Variants in CLYBL observed in about 807,000 individuals in gnomAD.
CLYBL encodes the protein citramalyl-CoA lyase.
Under a neutral mutation model 38.9 loss-of-function variants are expected in CLYBL, and 31 were observed. That is an observed-to-expected ratio of 0.80 (90% CI 0.60 to 1.08). CLYBL has a LOEUF of 1.08. Ranked by LOEUF, CLYBL falls within the 50% of genes least tolerant of loss-of-function variation. The pLI is 0.00. For synonymous variants in CLYBL, 171 were observed against 158.6 expected (o/e 1.08, Z -0.59); for missense variants, 434 against 411.6 (o/e 1.05, Z -0.47).
At position 99,628,571 on chromosome 13, in the gene CLYBL, T is replaced by C. The variant is rs80268894; in HGVS notation, c.62+21814T>C. 4.6e-3 allele frequency among the ~76,000 whole-genome samples: 704 copies of C among 152,334 alleles called. 19 individuals are homozygous for C. The East Asian group carries it at 0.082, about 18-fold the overall frequency. ...TAGGAGCTCATTTTATGTGAAACCATTAGCAGCCTGGGAATTCAGGACTAG... is the reference window on the plus strand; with the variant it reads ...TAGGAGCTCATTTTATGTGAAACCACTAGCAGCCTGGGAATTCAGGACTAG... On this transcript the variant is annotated intron_variant, in intron 1 of 8. Coordinates refer to ENST00000339105, the MANE Select transcript of CLYBL (RefSeq NM_206808.5).
intron 2 of CLYBL, among the ~76,000 whole-genome samples, chr13:99,818,359 G>T (rs936949667): frequency 6.6e-6 from 1 of 151,892 alleles, no homozygotes; most frequent in African/African-American, 2.4e-5. Flanking sequence ...CGGGTTGATT[G>T]TTAATAGAGA....
chr13:99,812,853 AG>A (rs887293421), intron 2 of CLYBL, among the ~76,000 whole-genome samples: 9 of 152,148 alleles, frequency 5.9e-5, no homozygotes, highest in Non-Finnish European at 1.3e-4. Flanking sequence ...AGTGGGGCCA[AG>A]GGGGGGCCCT....
chr13:99,675,978 C>A (rs1397433632), intron 1 of CLYBL, among the ~76,000 whole-genome samples: 1 of 152,200 alleles, frequency 6.6e-6, no homozygotes, highest in Non-Finnish European at 1.5e-5. Context: ...CTCAGCCCCC[C>A]AAGTAGCTGG....
At chr13:99,892,317 G>C (rs2052509541) in intron 8 of CLYBL, 126 bp from the exon 9 acceptor site, 1 of 152,450 alleles carries the variant, frequency 6.6e-6, no homozygotes, top group South Asian at 2.1e-4. Flanking sequence ...CTGCAGGTCA[G>C]ATGGGTGGTG....
chr13:99,878,148 T>C (rs2139287272), intron 7 of CLYBL, among the ~76,000 whole-genome samples: 1 of 152,350 alleles, frequency 6.6e-6, no homozygotes, highest in Admixed American at 6.5e-5. Flanking sequence ...AAAAATTTAT[T>C]AGATGTACTT....
intron 2 of CLYBL, among the ~76,000 whole-genome samples, chr13:99,774,632 G>C (rs1232388043): frequency 2.0e-5 from 3 of 152,030 alleles, no homozygotes; most frequent in African/African-American, 7.2e-5. Flanking sequence ...GCTTTTTCTG[G>C]AGTTTCTAGC....
At chr13:99,888,547 C>T (rs769059423) in intron 7 of CLYBL, among the ~76,000 whole-genome samples, 1 of 151,964 alleles carries the variant, frequency 6.6e-6, no homozygotes, top group Non-Finnish European at 1.5e-5. Context: ...GCCAGGAGTT[C>T]GAGACCAGCC....
In CLYBL at chr13:99,856,100, T is replaced by G. The variant is rs543463896; in HGVS notation, c.250-2761T>G. On this transcript the variant is annotated intron_variant, in intron 2 of 8. Transcript: ENST00000339105. Reference sequence around the variant, plus strand: ...TATGCCTAAAATTGGAAGTAGGTACTTCATTTGCAGCCAATTTCACAAGGG... The same window carrying G: ...TATGCCTAAAATTGGAAGTAGGTACGTCATTTGCAGCCAATTTCACAAGGG... Among the ~76,000 whole-genome samples, 4 of 152,354 alleles carry G rather than the reference T, an allele frequency of 2.6e-5. No individual in the cohort carries two copies. The South Asian group carries it at 8.3e-4, about 32-fold the overall frequency.
chr13:99,719,637 G>C (rs2048366343), intron 1 of CLYBL, among the ~76,000 whole-genome samples: 1 of 151,944 alleles, frequency 6.6e-6, no homozygotes. Flanking sequence ...CTCCCTAGTA[G>C]CTTGGATTAC....
chr13:99,854,358 A>C (rs1185279451), intron 2 of CLYBL, among the ~76,000 whole-genome samples: 2 of 151,464 alleles, frequency 1.3e-5, no homozygotes, highest in African/African-American at 2.4e-5. Flanking sequence ...TAGTTTTATA[A>C]ATAAGCCCAA....
intron 1 of CLYBL, among the ~76,000 whole-genome samples, chr13:99,715,656 G>A (rs562838825): frequency 1.3e-5 from 2 of 152,112 alleles, no homozygotes; most frequent in Admixed American, 6.5e-5. Context: ...CACTACACCC[G>A]GCCTGTACGG....
At chr13:99,742,236 G>A (rs2048769504) in intron 1 of CLYBL, among the ~76,000 whole-genome samples, 1 of 152,132 alleles carries the variant, frequency 6.6e-6, no homozygotes, top group Non-Finnish European at 1.5e-5. Context: ...GGAGAAACCT[G>A]GTGTCTTTCT....
At chr13:99,660,198 C>A (rs1031193410) in intron 1 of CLYBL, among the ~76,000 whole-genome samples, 1 of 152,098 alleles carries the variant, frequency 6.6e-6, no homozygotes, top group Admixed American at 6.5e-5. Flanking sequence ...GTTGTTATGG[C>A]AACTGAAATA....
chr13:99,896,580 C>T (rs2052582609), downstream of CLYBL: 1 of 152,210 alleles, frequency 6.6e-6, no homozygotes, highest in Non-Finnish European at 1.5e-5. Context: ...AAGCCCCGGC[C>T]TCACACCGCC....
chr13:99,699,862 C>T (rs1451338305), intron 1 of CLYBL, among the ~76,000 whole-genome samples: 1 of 151,408 alleles, frequency 6.6e-6, no homozygotes, highest in Non-Finnish European at 1.5e-5. Flanking sequence ...GGCGTGGTGG[C>T]GGGTGCCTGT....
intron 2 of CLYBL, among the ~76,000 whole-genome samples, chr13:99,831,584 T>A (rs1224875271): frequency 6.6e-6 from 1 of 152,018 alleles, no homozygotes; most frequent in Admixed American, 6.5e-5. Context: ...AATAAATAAA[T>A]AAAATAACTC....
chr13:99,759,969 T>C lies in CLYBL; in HGVS notation c.63-12855T>C, dbSNP rs569943327. Among the ~76,000 whole-genome samples, 52 of 152,362 alleles carry C rather than the reference T, an allele frequency of 3.4e-4. 1 individual carries two copies. The highest frequency in any genetic ancestry group is 1.3e-3 in the African/African-American group (52 of 41,580). ...TGCTTTTATTGGCTTAAGTCAATTA[T>C]AAAAGGAGATTTTTGATTACCGGTT... On this transcript the variant is annotated intron_variant, in intron 1 of 8. Transcript: ENST00000339105.
intron 2 of CLYBL, among the ~76,000 whole-genome samples, chr13:99,776,814 G>T (rs1228595600): frequency 6.6e-6 from 1 of 152,022 alleles, no homozygotes; most frequent in Non-Finnish European, 1.5e-5. Flanking sequence ...AGCCATTGAG[G>T]TGCTATGATT....
At chr13:99,781,316 G>A (rs990070295) in intron 2 of CLYBL, among the ~76,000 whole-genome samples, 3 of 151,780 alleles carry the variant, frequency 2.0e-5, no homozygotes, top group African/African-American at 4.8e-5. Context: ...GACTACAGGC[G>A]CCCACCACCA....
Sources: allele counts gnomAD v4.1 joint callset (sites outside exome capture counted in the v4.1 genomes callset), GRCh38; gene constraint gnomAD v4.1.1; transcripts MANE v1.5; gene names NCBI Gene and HGNC (gene_info 2026-07-23, HGNC 2026-07-21).